The following LMNTD1 variants were observed in gnomAD, a reference collection of about 807,000 sequenced individuals.
LMNTD1 encodes the protein lamin tail domain containing 1.
LMNTD1 carries 35 observed loss-of-function variants against 50.9 expected under a neutral mutation model. That is an observed-to-expected ratio of 0.69 (90% CI 0.53 to 0.91). The LOEUF (loss-of-function observed/expected upper bound fraction) is 0.91, where lower values mean the gene tolerates loss of function less well. LMNTD1 is among the 40% of genes least tolerant of loss of function. LMNTD1 has a pLI of 0.00. For missense variants in LMNTD1, 470 were observed against 475.5 expected, an observed-to-expected ratio of 0.99 and a Z score of 0.11; for synonymous variants, 153 against 161.9, an observed-to-expected ratio of 0.94 and a Z score of 0.42.
chr12:25,543,285 G>A (rs1308845954), intron 4 of LMNTD1, among the ~76,000 whole-genome samples: 1 of 151,882 alleles, frequency 6.6e-6, no homozygotes, highest in African/African-American at 2.4e-5. Context: ...TGGAATTACC[G>A]TGATACCAAA....
chr12:25,537,483 G>A (rs1942692470), intron 4 of LMNTD1, among the ~76,000 whole-genome samples: 1 of 152,014 alleles, frequency 6.6e-6, no homozygotes. Flanking sequence ...CACACTGCAG[G>A]GTACTCCAAC....
intron 8 of LMNTD1, among the ~76,000 whole-genome samples, chr12:25,516,178 G>T (rs1940751597): frequency 6.6e-6 from 1 of 151,812 alleles, no homozygotes; most frequent in Non-Finnish European, 1.5e-5. Context: ...AGAAATCAAA[G>T]AAAAAATCGT....
intron 1 of LMNTD1, among the ~76,000 whole-genome samples, chr12:25,609,246 C>T (rs901991457): frequency 1.3e-5 from 2 of 152,154 alleles, no homozygotes; most frequent in African/African-American, 4.8e-5. Flanking sequence ...AGGTTTTTAG[C>T]TTCTTTGCGA....
chr12:25,598,700 T>A (rs1157521653), intron 1 of LMNTD1, among the ~76,000 whole-genome samples: 7 of 148,178 alleles, frequency 4.7e-5, no homozygotes, highest in Non-Finnish European at 1.0e-4. Context: ...AAAAAAAAAA[T>A]CATGAGTAAC....
chr12:25,611,788 T>A (rs1157020272), intron 1 of LMNTD1, among the ~76,000 whole-genome samples: 1 of 152,236 alleles, frequency 6.6e-6, no homozygotes, highest in Non-Finnish European at 1.5e-5. Context: ...CCCATTTCCT[T>A]AGAGAGCAAT....
In LMNTD1 at chr12:25,561,512, C is replaced by G. The variant is rs1396497960; in HGVS notation, c.59-14958G>C. On this transcript the variant is annotated intron_variant, in intron 1 of 7. Transcript: ENST00000445693. ...TGCACTGTGGTCTGAGAGATAGTTC[C>G]TTATAATTTCTGTTCTTTTACATTT... Among the ~76,000 whole-genome samples, 7 of 152,108 alleles carry G rather than the reference C, an allele frequency of 4.6e-5. No homozygotes were observed. In the East Asian group the frequency reaches 5.8e-4, roughly 13 times the overall value.
intron 9 of LMNTD1, among the ~76,000 whole-genome samples, chr12:25,501,020 C>T (rs1939358216): frequency 1.3e-5 from 2 of 152,264 alleles, no homozygotes; most frequent in Admixed American, 1.3e-4. Context: ...GACAGAGGCT[C>T]ACTCTGTTGC....
chr12:25,588,557 A>G lies in LMNTD1; in HGVS notation c.59-42003T>C, dbSNP rs547521869. Among the ~76,000 whole-genome samples, 7 of 152,310 alleles carry G rather than the reference A, an allele frequency of 4.6e-5. No homozygotes were observed. In the South Asian group the frequency reaches 1.2e-3, roughly 27 times the overall value. ...AACTATATTGTTCAGGGATGCATAC[A>G]TAGTAAAACTATCAAAAAAGCAAAG... On this transcript the variant is annotated intron_variant, in intron 1 of 7. Coordinates refer to the LMNTD1 transcript ENST00000445693.
chr12:25,624,794 G>A (rs1946550745), intron 1 of LMNTD1, among the ~76,000 whole-genome samples: 1 of 152,080 alleles, frequency 6.6e-6, no homozygotes, highest in African/African-American at 2.4e-5. Context: ...ATATGACCTG[G>A]GTTTTAAAAT....
intron 1 of LMNTD1, among the ~76,000 whole-genome samples, chr12:25,639,541 C>T (rs1946907683): frequency 6.6e-6 from 1 of 151,934 alleles, no homozygotes; most frequent in Non-Finnish European, 1.5e-5. Flanking sequence ...TACGAATAAC[C>T]AACAAGCACA....
At chr12:25,604,421 A>G (rs546466652) in intron 1 of LMNTD1, among the ~76,000 whole-genome samples, 1 of 152,224 alleles carries the variant, frequency 6.6e-6, no homozygotes, top group African/African-American at 2.4e-5. Flanking sequence ...ATATGTATAC[A>G]TGTGCCATGT....
chr12:25,564,424 A>C (rs1944466825), intron 1 of LMNTD1, among the ~76,000 whole-genome samples: 1 of 151,786 alleles, frequency 6.6e-6, no homozygotes, highest in Non-Finnish European at 1.5e-5. Context: ...ACGCCTGACT[A>C]ATTTTTGTAT....
At chr12:25,497,627 G>A (rs768216709) in intron 9 of LMNTD1, 5 of 152,078 alleles carry the variant, frequency 3.3e-5, no homozygotes, top group Non-Finnish European at 7.4e-5. Flanking sequence ...GTGAAACCTC[G>A]TTGCTACTAA....
At chr12:25,537,793 C>A (rs1411818378) in intron 4 of LMNTD1, among the ~76,000 whole-genome samples, 1 of 152,010 alleles carries the variant, frequency 6.6e-6, no homozygotes, top group Admixed American at 6.6e-5. Context: ...GGAGGACATT[C>A]AAACCAAAGG....
At chr12:25,494,977 T>G (rs1565939937) in intron 9 of LMNTD1, among the ~76,000 whole-genome samples, 1 of 152,166 alleles carries the variant, frequency 6.6e-6, no homozygotes, top group East Asian at 1.9e-4. Context: ...TTTGTACCCT[T>G]TGAGCAACAA....
chr12:25,577,012 T>C (rs1460983502), intron 1 of LMNTD1, among the ~76,000 whole-genome samples: 1 of 152,138 alleles, frequency 6.6e-6, no homozygotes, highest in African/African-American at 2.4e-5. Flanking sequence ...AGATGTGTAG[T>C]ATTATTTGTG....
intron 1 of LMNTD1, among the ~76,000 whole-genome samples, chr12:25,612,738 A>G (rs1400129673): frequency 2.0e-5 from 3 of 152,124 alleles, no homozygotes; most frequent in Non-Finnish European, 4.4e-5. Context: ...TCCCCCGTGT[A>G]TAGAGTTTAA....
At chr12:25,590,350 T>C (rs1208461040) in intron 1 of LMNTD1, among the ~76,000 whole-genome samples, 1 of 152,094 alleles carries the variant, frequency 6.6e-6, no homozygotes, top group Non-Finnish European at 1.5e-5. Flanking sequence ...GAGAGAGCAA[T>C]TAAAGTAGCC....
At chr12:25,513,370 G>C (rs1345419585) in intron 8 of LMNTD1, among the ~76,000 whole-genome samples, 1 of 152,186 alleles carries the variant, frequency 6.6e-6, no homozygotes, top group Non-Finnish European at 1.5e-5. Flanking sequence ...CATGTGGCCA[G>C]GCACAGTGGC....
Sources: allele counts gnomAD v4.1 joint callset (sites outside exome capture counted in the v4.1 genomes callset), GRCh38; gene constraint gnomAD v4.1.1; transcripts MANE v1.5; gene names NCBI Gene and HGNC (gene_info 2026-07-23, HGNC 2026-07-21).